The following VPS41 variants were observed in gnomAD, a reference collection of about 807,000 sequenced individuals.
VPS41 encodes vacuolar protein sorting-associated protein 41 homolog.
In VPS41, 85 loss-of-function variants were observed where a neutral mutation model predicts 130.9. The ratio of observed to expected loss-of-function variants is 0.65; its 90% confidence interval spans 0.55 to 0.78. VPS41 has a LOEUF of 0.78. Among genes scored for constraint, VPS41 ranks in the 30% least tolerant of loss-of-function variants. The pLI, the probability that VPS41 is intolerant of heterozygous loss-of-function variation, is 0.00. For missense variants in VPS41, 874 were observed against 1,018.7 expected, an observed-to-expected ratio of 0.86 and a Z score of 1.93; for synonymous variants, 335 against 332.9, an observed-to-expected ratio of 1.01 and a Z score of -0.07.
intron 25 of VPS41, among the ~76,000 whole-genome samples, chr7:38,732,340 T>A (rs1795681793): frequency 6.6e-6 from 1 of 152,224 alleles, no homozygotes; most frequent in Non-Finnish European, 1.5e-5. Context: ...GGAGTAGGTG[T>A]ATGTTTAATT....
rs750940447 is a variant in VPS41 at position 38,795,458 on chromosome 7, A to G, written c.717+7T>C. On this transcript the variant is annotated splice_region_variant and intron_variant, in intron 9 of 28. Transcript: ENST00000310301. ...CACGGACTTATTATAAAGACAAGCAAAACCACCTTGACAGAAGTCCCCCAG... is the reference window on the plus strand; with the variant it reads ...CACGGACTTATTATAAAGACAAGCAGAACCACCTTGACAGAAGTCCCCCAG... The G allele has an allele frequency of 1.2e-6, 2 of 1,609,124 alleles. No individual in the cohort carries two copies. The highest frequency in any genetic ancestry group is 1.7e-6 in the Non-Finnish European group (2 of 1,177,344).
intron 8 of VPS41, among the ~76,000 whole-genome samples, chr7:38,795,993 A>G (rs1784611063): frequency 6.6e-6 from 1 of 152,234 alleles, no homozygotes; most frequent in Non-Finnish European, 1.5e-5. Context: ...AGCCACCTAT[A>G]TAAAGAAAAC....
intron 19 of VPS41, among the ~76,000 whole-genome samples, 182 bp downstream of exon 19, chr7:38,756,656 T>G (rs541535599): frequency 2.6e-5 from 4 of 152,220 alleles, no homozygotes; most frequent in Non-Finnish European, 5.9e-5. Flanking sequence ...ATGAAAAGGA[T>G]TCCTGAATGC....
At chr7:38,878,868 T>A (rs747937304) in intron 2 of VPS41, among the ~76,000 whole-genome samples, 1 of 152,240 alleles carries the variant, frequency 6.6e-6, no homozygotes, top group South Asian at 2.1e-4. Context: ...ATTCCCATCA[T>A]CAGCAGGAAA....
intron 2 of VPS41, among the ~76,000 whole-genome samples, chr7:38,882,588 A>G (rs918184878): frequency 1.3e-5 from 2 of 152,110 alleles, no homozygotes; most frequent in Admixed American, 6.5e-5. Context: ...CTCCAACTTA[A>G]AATATGCAAA....
Position 38,774,347 on chromosome 7 carries a change from A to G in VPS41, c.883-103T>C, listed in dbSNP as rs1411931037. ...CATATTAGTTTCTTCTCACACTCCT[A>G]TGAAGAAATACCCAAGACTGGGTAA... On this transcript the variant is annotated intron_variant, in intron 11 of 28. Coordinates refer to ENST00000310301, the MANE Select transcript of VPS41 (RefSeq NM_014396.4). 42 of 1,065,762 alleles carry G rather than the reference A, an allele frequency of 3.9e-5. 1 individual carries two copies. Among genetic ancestry groups the G allele is most frequent in the Non-Finnish European group, 5.2e-5 (41 of 791,802 alleles). 66.0% of individuals were successfully genotyped at this position (1,065,762 alleles called of 1,614,324 possible).
chr7:38,856,768 G>C (rs1785995073), intron 4 of VPS41, among the ~76,000 whole-genome samples: 1 of 152,090 alleles, frequency 6.6e-6, no homozygotes, highest in Non-Finnish European at 1.5e-5. Flanking sequence ...AAACACCTCA[G>C]GGCTACAATC....
chr7:38,807,111 AT>A (rs1784853418), intron 7 of VPS41, among the ~76,000 whole-genome samples: 1 of 152,192 alleles, frequency 6.6e-6, no homozygotes, highest in Admixed American at 6.5e-5. Flanking sequence ...TCTAGATAAG[AT>A]TTATCAAAAT....
intron 14 of VPS41, 93 bp from the exon 15 acceptor site, chr7:38,767,691 C>G: frequency 1.3e-6 from 1 of 789,890 alleles, no homozygotes. Context: ...CATTAGGGTC[C>G]TATTAGCTCT....
intron 1 of VPS41, among the ~76,000 whole-genome samples, chr7:38,905,779 TG>T (rs1787245984): frequency 6.6e-6 from 1 of 152,116 alleles, no homozygotes; most frequent in African/African-American, 2.4e-5. Context: ...TCTCCATTTT[TG>T]GGGGTTTTTT....
At position 38,752,283 on chromosome 7, in the gene VPS41, G is replaced by A. The variant is rs1238627424; in HGVS notation, c.1819C>T (p.His607Tyr). 1 of 1,613,834 alleles carries A rather than the reference G, an allele frequency of 6.2e-7. No individual in the cohort carries two copies. Among genetic ancestry groups the A allele is most frequent in the South Asian group, 1.1e-5 (1 of 91,074 alleles). ...YLHKLFKRDHHKGQRYHEKQI... is the reference protein window; with the variant it reads ...YLHKLFKRDHYKGQRYHEKQI... ...TTTTCATGGTAACGCTGCCCCTTAT[G>A]GTGGTCTCTCTTGAAAAGCTTATGC... The change falls in exon 22 of 29, where the codon CAT (histidine) becomes TAT (tyrosine). Residue 607 changes from histidine to tyrosine, a missense_variant. Physicochemically the swap from His to Tyr is moderately conservative, Grantham distance 83. Transcript: ENST00000310301.
intron 8 of VPS41, chr7:38,796,279 TTTAAG>T: frequency 3.0e-6 from 1 of 332,720 alleles, no homozygotes; most frequent in Non-Finnish European, 5.9e-6. Context: ...GCAAGTAAAC[TTTAAG>T]TTAAAATGCA....
intron 5 of VPS41, among the ~76,000 whole-genome samples, chr7:38,822,453 C>T (rs1186235158): frequency 6.6e-6 from 1 of 152,164 alleles, no homozygotes; most frequent in African/African-American, 2.4e-5. Flanking sequence ...TTATTTCATT[C>T]ATTATTTAAC....
At chr7:38,839,934 C>T (rs994011456) in intron 4 of VPS41, among the ~76,000 whole-genome samples, 2 of 152,140 alleles carry the variant, frequency 1.3e-5, no homozygotes, top group African/African-American at 4.8e-5. Flanking sequence ...TCAGTAAATG[C>T]AAAAGGGAAG....
intron 23 of VPS41, among the ~76,000 whole-genome samples, chr7:38,745,255 A>G (rs553732874): frequency 5.3e-5 from 8 of 152,344 alleles, no homozygotes; most frequent in Admixed American, 5.2e-4. Flanking sequence ...AGCTGATTAT[A>G]ATTTTTTAGA....
chr7:38,794,224 C>T (rs562355123), intron 9 of VPS41, among the ~76,000 whole-genome samples: 10 of 152,144 alleles, frequency 6.6e-5, no homozygotes, highest in African/African-American at 2.2e-4. Context: ...TAACCACACA[C>T]GTGGGACAGG....
chr7:38,770,648 T>C (rs1373432690), intron 14 of VPS41, among the ~76,000 whole-genome samples: 1 of 152,180 alleles, frequency 6.6e-6, no homozygotes, highest in East Asian at 1.9e-4. Flanking sequence ...GGCTAGATGG[T>C]CTCCAAGGAC....
At chr7:38,871,134 GA>G (rs1233311158) in intron 2 of VPS41, among the ~76,000 whole-genome samples, 1 of 152,102 alleles carries the variant, frequency 6.6e-6, no homozygotes, top group Non-Finnish European at 1.5e-5. Flanking sequence ...TTCCAAAACT[GA>G]TAAGACATCA....
intron 3 of VPS41, among the ~76,000 whole-genome samples, chr7:38,867,237 T>A (rs977867379): frequency 2.6e-5 from 4 of 152,060 alleles, no homozygotes; most frequent in Non-Finnish European, 5.9e-5. Flanking sequence ...AAAAGATTCA[T>A]GAATAGGAGA....
Sources: allele counts gnomAD v4.1 joint callset (sites outside exome capture counted in the v4.1 genomes callset), GRCh38; gene constraint gnomAD v4.1.1; transcripts MANE v1.5; gene names NCBI Gene and HGNC (gene_info 2026-07-23, HGNC 2026-07-21).